Variants in ELAVL4 observed in about 807,000 individuals in gnomAD.
The protein encoded by ELAVL4 is ELAV-like protein 4.
A neutral mutation model predicts 35.6 loss-of-function variants in ELAVL4; 1 was observed. The observed-to-expected ratio is 0.03, with a 90% CI of 0.01 to 0.13. The LOEUF (loss-of-function observed/expected upper bound fraction) is 0.13, where lower values mean the gene tolerates loss of function less well. ELAVL4 is among the 10% of genes least tolerant of loss of function. The pLI, the probability that ELAVL4 is intolerant of heterozygous loss-of-function variation, is 1.00. For synonymous variants in ELAVL4, 156 were observed against 171.0 expected, an observed-to-expected ratio of 0.91 and a Z score of 0.69; for missense variants, 267 against 464.9, an observed-to-expected ratio of 0.57 and a Z score of 3.91.
intron 1 of ELAVL4, among the ~76,000 whole-genome samples, chr1:50,062,841 T>C (rs148758286): frequency 6.6e-6 from 1 of 152,276 alleles, no homozygotes; most frequent in African/African-American, 2.4e-5. Flanking sequence ...TTCCCGATGA[T>C]ACAAATATGT....
chr1:50,194,716 T>C (rs1643916613), intron 4 of ELAVL4, among the ~76,000 whole-genome samples: 2 of 152,138 alleles, frequency 1.3e-5, no homozygotes, highest in Non-Finnish European at 2.9e-5. Context: ...TGCTAGAAGC[T>C]GTCAAGTGCC....
intron 2 of ELAVL4, among the ~76,000 whole-genome samples, chr1:50,151,432 T>C (rs1048945091): frequency 6.6e-6 from 1 of 152,218 alleles, no homozygotes; most frequent in African/African-American, 2.4e-5. Flanking sequence ...ACTTCTGATA[T>C]TCTCTTTTCG....
chr1:50,075,948 C>T (rs1664743602), intron 1 of ELAVL4, among the ~76,000 whole-genome samples: 1 of 152,102 alleles, frequency 6.6e-6, no homozygotes, highest in Non-Finnish European at 1.5e-5. Flanking sequence ...ATGCCTCAGC[C>T]TCCTGAGTAG....
At chr1:50,174,058 T>C (rs1679533734) in intron 2 of ELAVL4, among the ~76,000 whole-genome samples, 1 of 152,214 alleles carries the variant, frequency 6.6e-6, no homozygotes, top group Non-Finnish European at 1.5e-5. Flanking sequence ...ATCACCAATA[T>C]ATGGCCACCA....
intron 1 of ELAVL4, among the ~76,000 whole-genome samples, chr1:50,132,361 A>G (rs1671001327): frequency 6.6e-6 from 1 of 152,176 alleles, no homozygotes; most frequent in Non-Finnish European, 1.5e-5. Context: ...CTCCTGCTCA[A>G]ACCATGTAAT....
At chr1:50,094,598 C>T (rs1266456091) in intron 1 of ELAVL4, among the ~76,000 whole-genome samples, 1 of 152,030 alleles carries the variant, frequency 6.6e-6, no homozygotes, top group Non-Finnish European at 1.5e-5. Context: ...TGTTGTACTT[C>T]ATGTTTCTAT....
chr1:50,117,483 A>T (rs1668161573), intron 1 of ELAVL4, among the ~76,000 whole-genome samples: 1 of 152,126 alleles, frequency 6.6e-6, no homozygotes, highest in Non-Finnish European at 1.5e-5. Context: ...AGGACTTCAG[A>T]GTCAGTTGAA....
intron 2 of ELAVL4, among the ~76,000 whole-genome samples, chr1:50,164,666 T>C (rs1004306778): frequency 2.6e-5 from 4 of 152,146 alleles, no homozygotes; most frequent in Non-Finnish European, 5.9e-5. Context: ...TCTAGAGTCT[T>C]CTCTCCTTCA....
chr1:50,144,998 A>G lies in ELAVL4; in HGVS notation c.51A>G (p.Thr17=). Residue 17 remains threonine, a synonymous_variant, in exon 2 of 7, where the codon ACA becomes ACG. Coordinates refer to ENST00000371824, the MANE Select transcript of ELAVL4 (RefSeq NM_001144774.3). ...TMEPQVSNGP[T]SNTSNGPSSN... ...AGCCTCAGGTGTCAAATGGTCCGAC[A>G]TCCAATACAAGCAATGGACCCTCCA... 6.2e-7 allele frequency: 1 copy of G among 1,613,946 alleles called. No individual in the cohort carries two copies. The highest frequency in any genetic ancestry group is 8.5e-7 in the Non-Finnish European group (1 of 1,179,928).
chr1:50,051,349 C>T (rs909050735), intron 1 of ELAVL4, among the ~76,000 whole-genome samples: 22 of 152,160 alleles, frequency 1.4e-4, no homozygotes, highest in African/African-American at 4.6e-4. Flanking sequence ...TTGCTAGATA[C>T]AAGTTTCAAG....
At chr1:50,193,730 C>T in intron 3 of ELAVL4, 35 bp from the exon 4 acceptor site, 9 of 1,602,080 alleles carry the variant, frequency 5.6e-6, no homozygotes, top group Non-Finnish European at 7.7e-6. Context: ...GGGTGATTGC[C>T]TATAATGGAA....
At chr1:50,089,150 G>A (rs1665381184) in intron 1 of ELAVL4, among the ~76,000 whole-genome samples, 1 of 152,138 alleles carries the variant, frequency 6.6e-6, no homozygotes, top group African/African-American at 2.4e-5. Context: ...ATGGTCGCTG[G>A]CTTTGTAGAA....
intron 1 of ELAVL4, among the ~76,000 whole-genome samples, chr1:50,122,150 G>T (rs1479188111): frequency 1.3e-5 from 2 of 152,104 alleles, no homozygotes; most frequent in African/African-American, 2.4e-5. Context: ...ACCCAGATTT[G>T]TCTGACTCCA....
At chr1:50,064,601 C>T (rs2148481300) in intron 1 of ELAVL4, among the ~76,000 whole-genome samples, 1 of 152,276 alleles carries the variant, frequency 6.6e-6, no homozygotes, top group South Asian at 2.1e-4. Flanking sequence ...TTTAAATAGT[C>T]ACCACATGAA....
At chr1:50,114,169 C>A (rs1295490036) in intron 1 of ELAVL4, among the ~76,000 whole-genome samples, 1 of 151,934 alleles carries the variant, frequency 6.6e-6, no homozygotes, top group Non-Finnish European at 1.5e-5. Flanking sequence ...AAAAGCCATC[C>A]CTTCAATCAA....
intron 1 of ELAVL4, among the ~76,000 whole-genome samples, chr1:50,117,352 G>A (rs1272708541): frequency 3.3e-5 from 5 of 152,072 alleles, no homozygotes; most frequent in Non-Finnish European, 5.9e-5. Flanking sequence ...TGTTGGCAAG[G>A]CTATCTCAGA....
Position 50,193,840 on chromosome 1 carries a change from A to T in ELAVL4, c.430A>T (p.Thr144Ser). 1 of 1,614,054 alleles carries T rather than the reference A, an allele frequency of 6.2e-7. No homozygotes were observed. The highest frequency in any genetic ancestry group is 1.7e-5 in the Admixed American group (1 of 60,022). The change falls in exon 4 of 7, where the codon ACC becomes TCC. Residue 144 changes from threonine to serine, a missense_variant. By Grantham distance (58) the Thr-to-Ser change is moderately conservative. Transcript: ENST00000371824. The part of the protein sequence containing the change: ...LYVSGLPKTM[T>S]QKELEQLFSQ... ...TGTTAGCGGCCTTCCCAAAACCATGACCCAGAAGGAACTGGAGCAACTTTT... is the reference window on the plus strand; with the variant it reads ...TGTTAGCGGCCTTCCCAAAACCATGTCCCAGAAGGAACTGGAGCAACTTTT...
chr1:50,112,058 C>G (rs981422919), intron 1 of ELAVL4, among the ~76,000 whole-genome samples: 4 of 152,046 alleles, frequency 2.6e-5, no homozygotes, highest in Non-Finnish European at 5.9e-5. Context: ...AATTTTTGCT[C>G]TCTTCATTGC....
At chr1:50,057,149 C>G (rs1049056121) in intron 1 of ELAVL4, among the ~76,000 whole-genome samples, 2 of 151,118 alleles carry the variant, frequency 1.3e-5, no homozygotes, top group Non-Finnish European at 2.9e-5. Flanking sequence ...GCCTAGGCTA[C>G]TGTGTGCATT....
Sources: gnomAD v4.1 joint callset for allele counts (sites outside exome capture counted in the v4.1 genomes callset) on GRCh38, gnomAD v4.1.1 for gene constraint, MANE v1.5 for transcripts, NCBI Gene and HGNC (gene_info 2026-07-23, HGNC 2026-07-21) for gene names.